Variants in GLRA1 observed in about 807,000 individuals in gnomAD.
The protein encoded by GLRA1 is glycine receptor subunit alpha-1.
GLRA1 carries 37 observed loss-of-function variants against 48.3 expected under a neutral mutation model. The ratio of observed to expected loss-of-function variants is 0.77; its 90% CI spans 0.59 to 1.01. GLRA1 has a LOEUF of 1.01. Ranked by LOEUF, GLRA1 falls within the 50% of genes least tolerant of loss-of-function variation. GLRA1 has a pLI of 0.00. For missense variants in GLRA1, 427 were observed against 571.0 expected, an observed-to-expected ratio of 0.75 and a Z score of 2.57; for synonymous variants, 196 against 210.7, an observed-to-expected ratio of 0.93 and a Z score of 0.60.
intron 2 of GLRA1, among the ~76,000 whole-genome samples, chr5:151,889,794 C>A (rs1361195775): frequency 6.6e-6 from 1 of 151,982 alleles, no homozygotes; most frequent in Non-Finnish European, 1.5e-5. Flanking sequence ...CATCAAAGGG[C>A]TCAGGGCAAG....
At chr5:151,840,499 G>A (rs535234090) in intron 7 of GLRA1, among the ~76,000 whole-genome samples, 19 of 152,168 alleles carry the variant, frequency 1.2e-4, no homozygotes, top group Admixed American at 2.0e-4. Context: ...TAAATTATAC[G>A]AAATCGCATT....
chr5:151,922,323 G>A (rs1255249787), intron 1 of GLRA1, among the ~76,000 whole-genome samples: 1 of 152,186 alleles, frequency 6.6e-6, no homozygotes, highest in Non-Finnish European at 1.5e-5. Flanking sequence ...AATTTTAAAA[G>A]TGAGTGACTT....
chr5:151,910,321 T>A (rs1271744714), intron 1 of GLRA1, among the ~76,000 whole-genome samples: 1 of 152,216 alleles, frequency 6.6e-6, no homozygotes. Flanking sequence ...TTTTCAAAAG[T>A]AATATATATT....
intron 1 of GLRA1, among the ~76,000 whole-genome samples, chr5:151,908,823 T>A (rs1581661269): frequency 6.6e-6 from 1 of 152,168 alleles, no homozygotes; most frequent in South Asian, 2.1e-4. Flanking sequence ...TGATTTGGGG[T>A]GAGCCCCTCA....
Position 151,859,974 on chromosome 5 carries a change from C to G in GLRA1, c.287G>C (p.Trp96Ser), listed in dbSNP as rs763726037. 1 of 1,614,068 alleles carries G rather than the reference C, an allele frequency of 6.2e-7. No individual in the cohort carries two copies. Among genetic ancestry groups the G allele is most frequent in the Non-Finnish European group, 8.5e-7 (1 of 1,179,978 alleles). Residue 96 changes from tryptophan to serine, a missense_variant, in exon 4 of 9, where the codon TGG becomes TCG. By Grantham distance (177) the Trp-to-Ser change is radical. Transcript: ENST00000274576. Reference sequence around the variant, plus strand: ...ATTATAGGCCAGGCGGGGGTCGTTCCATTGCTGCCGCAGGAAGATGTTGAC... The same window carrying G: ...ATTATAGGCCAGGCGGGGGTCGTTCGATTGCTGCCGCAGGAAGATGTTGAC... ...YRVNIFLRQQ[W>S]NDPRLAYNEY...
At chr5:151,868,221 G>A (rs1753385851) in intron 3 of GLRA1, among the ~76,000 whole-genome samples, 1 of 152,184 alleles carries the variant, frequency 6.6e-6, no homozygotes, top group South Asian at 2.1e-4. Flanking sequence ...ATTGACTAAG[G>A]TGGAACCTGC....
intron 1 of GLRA1, among the ~76,000 whole-genome samples, chr5:151,910,215 C>T (rs530401269): frequency 6.6e-6 from 1 of 152,210 alleles, no homozygotes; most frequent in Non-Finnish European, 1.5e-5. Flanking sequence ...TCTTTCCTAC[C>T]TGGTACAGGT....
intron 3 of GLRA1, among the ~76,000 whole-genome samples, chr5:151,861,652 C>G (rs940386830): frequency 3.9e-5 from 6 of 152,014 alleles, no homozygotes; most frequent in Non-Finnish European, 7.4e-5. Flanking sequence ...AAACAGAGAG[C>G]CAAATCATGA....
At chr5:151,890,231 G>A (rs923155042) in intron 2 of GLRA1, among the ~76,000 whole-genome samples, 3 of 142,606 alleles carry the variant, frequency 2.1e-5, no homozygotes, top group African/African-American at 5.2e-5. Context: ...CATATTTGTG[G>A]GGTCATTTAT....
chr5:151,891,688 T>C (rs906457338), intron 2 of GLRA1, among the ~76,000 whole-genome samples: 10 of 152,238 alleles, frequency 6.6e-5, no homozygotes, highest in African/African-American at 2.4e-4. Flanking sequence ...TTTGAAATTA[T>C]GACTCTGATT....
intron 3 of GLRA1, among the ~76,000 whole-genome samples, chr5:151,875,358 G>C (rs950106381): frequency 1.3e-5 from 2 of 152,064 alleles, no homozygotes; most frequent in Non-Finnish European, 2.9e-5. Context: ...TTTTTTTGTA[G>C]AGATGGGGTT....
intron 7 of GLRA1, 124 bp downstream of exon 7, chr5:151,851,266 C>T: frequency 1.4e-6 from 1 of 720,786 alleles, no homozygotes; most frequent in Non-Finnish European, 2.5e-6. Context: ...CAGGATCCTG[C>T]AAAGTATAGT....
chr5:151,822,873 C>A lies in GLRA1; in HGVS notation c.1150G>T (p.Gly384Cys). ...TTGGTGGTGTTACTGTTGTTGGCGC[C>A]CTTGACTGAGATGCCATCCTTGGCC... ...LQAKDGISVK[G>C]ANNSNTTNPP... is the part of the protein sequence containing the mutation. The change falls in exon 9 of 9, where the codon GGC becomes TGC. Residue 384 changes from glycine (G) to cysteine (C), a missense_variant. By Grantham distance (159) the Gly-to-Cys change is radical. This residue lies in a region of GLRA1 where 121 missense variants were observed against 96.5 expected (regional missense o/e 1.25). Transcript: ENST00000274576. The A allele has an allele frequency of 6.2e-7, 1 of 1,614,010 alleles. No individual in the cohort carries two copies. The highest frequency in any genetic ancestry group is 8.5e-7 in the Non-Finnish European group (1 of 1,179,988).
At chr5:151,829,670 G>C (rs1302572201) in intron 7 of GLRA1, among the ~76,000 whole-genome samples, 1 of 152,160 alleles carries the variant, frequency 6.6e-6, no homozygotes, top group Admixed American at 6.6e-5. Flanking sequence ...ATGATTTTTA[G>C]AATATTCACA....
intron 2 of GLRA1, among the ~76,000 whole-genome samples, chr5:151,891,175 G>A (rs923481736): frequency 6.6e-6 from 1 of 152,190 alleles, no homozygotes; most frequent in Non-Finnish European, 1.5e-5. Flanking sequence ...TTTTTGCAAG[G>A]ATGCTGGGAG....
chr5:151,867,036 A>G (rs1008052659), intron 3 of GLRA1, among the ~76,000 whole-genome samples: 9 of 152,168 alleles, frequency 5.9e-5, no homozygotes, highest in African/African-American at 2.2e-4. Flanking sequence ...AATTGAGCCC[A>G]TGAGGTTGAG....
intron 8 of GLRA1, among the ~76,000 whole-genome samples, chr5:151,826,174 T>C (rs1032526611): frequency 3.3e-5 from 5 of 152,178 alleles, no homozygotes; most frequent in African/African-American, 1.2e-4. Context: ...TAAAGGCAGT[T>C]CCAGTGCACC....
At chr5:151,878,174 T>A (rs2964603) in intron 3 of GLRA1, among the ~76,000 whole-genome samples, 84,097 of 151,926 alleles carry the variant, frequency 0.55, 23,737 homozygotes, top group East Asian at 0.69. Context: ...ATGAGGAACT[T>A]GTTGGGAACT....
chr5:151,864,833 G>C (rs1753290906), intron 3 of GLRA1, among the ~76,000 whole-genome samples: 2 of 152,148 alleles, frequency 1.3e-5, no homozygotes, highest in African/African-American at 4.8e-5. Context: ...TAGTCACTCA[G>C]TCAGTGCACC....
Sources: gnomAD v4.1 joint callset for allele counts (sites outside exome capture counted in the v4.1 genomes callset) on GRCh38, gnomAD v4.1.1 for gene constraint, gnomAD v4.1.1 regional missense constraint, MANE v1.5 for transcripts, NCBI Gene and HGNC (gene_info 2026-07-23, HGNC 2026-07-21) for gene names.